The following CPQ variants were observed in gnomAD, a reference collection of about 807,000 sequenced individuals.
CPQ encodes carboxypeptidase Q, also known as Ser-Met dipeptidase.
In CPQ, 37 loss-of-function variants were observed where a neutral mutation model predicts 45.7. That is an observed-to-expected ratio of 0.81 (90% confidence interval 0.62 to 1.07). The LOEUF (loss-of-function observed/expected upper bound fraction) is 1.07. Ranked by LOEUF, CPQ falls within the 50% of genes least tolerant of loss-of-function variation. CPQ has a pLI of 0.00. For missense variants in CPQ, 537 were observed against 572.9 expected, an observed-to-expected ratio of 0.94 and a Z score of 0.64; for synonymous variants, 186 against 205.8, an observed-to-expected ratio of 0.90 and a Z score of 0.82.
chr8:97,006,036 G>T (rs10441498), intron 5 of CPQ, among the ~76,000 whole-genome samples: 1 of 152,076 alleles, frequency 6.6e-6, no homozygotes, highest in African/African-American at 2.4e-5. Flanking sequence ...AAAAATGTCC[G>T]ATAAGGGAAG....
Position 96,785,198 on chromosome 8 carries a change from G to A in CPQ, c.301G>A (p.Glu101Lys). ...CCAAAACCTGCAGCAAGATGGGCTG[G>A]AGAAAGTTCACCTGGAGCCAGTGAG... Reference protein sequence around the residue: ...MYQNLQQDGLEKVHLEPVRIP... With the variant: ...MYQNLQQDGLKKVHLEPVRIP... The change falls in exon 2 of 8, where the codon GAG (glutamate) becomes AAG (lysine). Residue 101 changes from glutamate to lysine, a missense_variant. Physicochemically the swap from Glu to Lys is moderately conservative, Grantham distance 56 (BLOSUM62 1). Transcript: ENST00000220763. 6.2e-7 allele frequency: 1 copy of A among 1,613,620 alleles called. No homozygotes were observed. The highest frequency in any genetic ancestry group is 8.5e-7 in the Non-Finnish European group (1 of 1,179,788).
chr8:97,051,343 ATATAGT>A (rs1397626137), intron 6 of CPQ, among the ~76,000 whole-genome samples: 1 of 152,212 alleles, frequency 6.6e-6, no homozygotes, highest in Non-Finnish European at 1.5e-5. Context: ...TAAATTTGCA[ATATAGT>A]TATATATGTG....
Position 96,784,974 on chromosome 8 carries a change from A to G in CPQ, c.77A>G (p.Asn26Ser), listed in dbSNP as rs764969018. ...SLCSGKAICK[N>S]GISKRTFEEI... ...TGCTCTGGGAAAGCTATATGCAAGA[A>G]TGGCATCTCTAAGAGGACTTTTGAA... The change falls in exon 2 of 8, where the codon AAT becomes AGT. Residue 26 changes from asparagine (N) to serine (S), a missense_variant. Coordinates refer to ENST00000220763, the MANE Select transcript of CPQ (RefSeq NM_016134.4). 1.8e-5 allele frequency: 29 copies of G among 1,613,858 alleles called. No individual in the cohort carries two copies. In the East Asian group the frequency reaches 6.5e-4, roughly 36 times the overall value.
At chr8:96,844,572 T>C (rs2130855726) in intron 3 of CPQ, among the ~76,000 whole-genome samples, 1 of 152,244 alleles carries the variant, frequency 6.6e-6, no homozygotes, top group South Asian at 2.1e-4. Context: ...CCTCATAGAG[T>C]TGTTGAGAGA....
At chr8:96,705,606 G>C (rs1435221483) in intron 1 of CPQ, among the ~76,000 whole-genome samples, 1 of 152,150 alleles carries the variant, frequency 6.6e-6, no homozygotes, top group African/African-American at 2.4e-5. Flanking sequence ...GCTGCTAAAA[G>C]TTATTTCCAG....
intron 2 of CPQ, among the ~76,000 whole-genome samples, chr8:96,793,666 C>G (rs1810882934): frequency 6.6e-6 from 1 of 152,304 alleles, no homozygotes; most frequent in Non-Finnish European, 1.5e-5. Context: ...AGCATTAACT[C>G]AAAAGTCCAC....
intron 5 of CPQ, among the ~76,000 whole-genome samples, chr8:97,014,060 GT>G (rs1371391791): frequency 6.6e-6 from 1 of 152,188 alleles, no homozygotes; most frequent in African/African-American, 2.4e-5. Context: ...ATGATTAAAG[GT>G]TTTCATGCAG....
intron 2 of CPQ, among the ~76,000 whole-genome samples, chr8:96,799,442 A>C: frequency 6.6e-6 from 1 of 152,320 alleles, no homozygotes; most frequent in Non-Finnish European, 1.5e-5. Context: ...TCATCAAGGA[A>C]ACAGCATTTT....
intron 7 of CPQ, among the ~76,000 whole-genome samples, chr8:97,080,151 G>T (rs80129139): frequency 1.3e-5 from 2 of 152,100 alleles, no homozygotes; most frequent in Non-Finnish European, 2.9e-5. Context: ...CATTTTCTTC[G>T]ATGTTTTGCT....
At position 96,813,987 on chromosome 8, in the gene CPQ, TACATATATATACAC is replaced by T. The variant is rs751122800; in HGVS notation, c.434-20966_434-20953del. Among the ~76,000 whole-genome samples the T allele has an allele frequency of 3.4e-3, 349 of 102,408 alleles. 2 individuals carry two copies. The highest frequency in any genetic ancestry group is 0.011 in the South Asian group (28 of 2,574). 67.2% of individuals were successfully genotyped at this position (102,408 alleles called of 152,430 possible). On this transcript the variant is annotated intron_variant, in intron 2 of 7. Coordinates refer to ENST00000220763, the MANE Select transcript of CPQ (RefSeq NM_016134.4). ...TTTAGACTAAGGACTGTCATATATA[TACATATATATACAC>T]ACATATATATACACACATACATATA...
intron 5 of CPQ, among the ~76,000 whole-genome samples, chr8:96,984,256 TC>T (rs1268314072): frequency 6.6e-6 from 1 of 152,178 alleles, no homozygotes; most frequent in Non-Finnish European, 1.5e-5. Flanking sequence ...TTATAAACTG[TC>T]CCCAGATTTG....
At chr8:96,658,621 G>C (rs548187443) in intron 1 of CPQ, among the ~76,000 whole-genome samples, 2 of 152,344 alleles carry the variant, frequency 1.3e-5, no homozygotes, top group South Asian at 4.1e-4. Context: ...AGGAAATTAT[G>C]CTGGATTATC....
intron 5 of CPQ, among the ~76,000 whole-genome samples, chr8:96,995,657 T>G (rs1312171664): frequency 7.0e-6 from 1 of 141,956 alleles, no homozygotes; most frequent in Non-Finnish European, 1.5e-5. Flanking sequence ...ACTTGTGAGG[T>G]TTTTTTTTTT....
chr8:96,983,739 A>G (rs1317643342), intron 5 of CPQ, among the ~76,000 whole-genome samples: 3 of 151,990 alleles, frequency 2.0e-5, no homozygotes, highest in Non-Finnish European at 4.4e-5. Flanking sequence ...AGTTTAGCCA[A>G]AAGACCTTCT....
At chr8:97,076,618 G>A (rs1005842742) in intron 7 of CPQ, among the ~76,000 whole-genome samples, 1 of 151,914 alleles carries the variant, frequency 6.6e-6, no homozygotes, top group African/African-American at 2.4e-5. Context: ...CCATTTCCAC[G>A]GCATCATTTG....
In CPQ at chr8:96,785,101, A is replaced by T. The variant is rs1287321626; in HGVS notation, c.204A>T (p.Ala68=). The T allele has an allele frequency of 1.2e-6, 2 of 1,613,784 alleles. No individual in the cohort carries two copies. The highest frequency in any genetic ancestry group is 3.3e-5 in the Admixed American group (2 of 59,972). Residue 68 remains alanine, a synonymous_variant, in exon 2 of 8, where the codon GCA becomes GCT. Transcript: ENST00000220763. ...KAQNRSYERL[A]LLVDTVGPRL... ...AGAACAGATCCTATGAGCGATTGGC[A>T]CTTCTGGTTGATACTGTTGGACCCA...
chr8:96,657,589 A>G (rs866722284), intron 1 of CPQ, among the ~76,000 whole-genome samples: 1 of 152,222 alleles, frequency 6.6e-6, no homozygotes, highest in East Asian at 1.9e-4. Flanking sequence ...GGGACTTCCT[A>G]TTCTGCCATC....
intron 6 of CPQ, among the ~76,000 whole-genome samples, chr8:97,036,197 C>T (rs1469524457): frequency 6.6e-6 from 1 of 152,070 alleles, no homozygotes; most frequent in African/African-American, 2.4e-5. Context: ...CTCCCAAGAA[C>T]ACATGGGGGC....
intron 4 of CPQ, among the ~76,000 whole-genome samples, chr8:96,921,975 A>G (rs1440771219): frequency 6.6e-6 from 1 of 152,162 alleles, no homozygotes; most frequent in African/African-American, 2.4e-5. Flanking sequence ...TTTAGATTAT[A>G]ATTTAAATAA....
Sources: allele counts gnomAD v4.1 joint callset (sites outside exome capture counted in the v4.1 genomes callset), GRCh38; gene constraint gnomAD v4.1.1; transcripts MANE v1.5; gene names NCBI Gene and HGNC (gene_info 2026-07-23, HGNC 2026-07-21).